Variants in VTCN1 observed in about 807,000 individuals in gnomAD.
The protein encoded by VTCN1 is V-set domain-containing T-cell activation inhibitor 1.
A neutral mutation model predicts 26.5 loss-of-function variants in VTCN1; 26 were observed. That is an observed-to-expected ratio of 0.98 (90% CI 0.72 to 1.36). The LOEUF is 1.36. VTCN1 is among the 40% of genes most tolerant of loss of function. The pLI, the probability that VTCN1 is intolerant of heterozygous loss-of-function variation, is 0.00. For synonymous variants in VTCN1, 116 were observed against 130.7 expected (o/e 0.89, Z 0.77); for missense variants, 298 against 337.7 (o/e 0.88, Z 0.92).
chr1:117,149,737 A>T (rs1301924024), intron 4 of VTCN1, among the ~76,000 whole-genome samples: 1 of 152,218 alleles, frequency 6.6e-6, no homozygotes. Flanking sequence ...CTTGGCACAC[A>T]ATAGATATTT....
chr1:117,165,123 G>A (rs1040443952), intron 2 of VTCN1, among the ~76,000 whole-genome samples: 1 of 152,244 alleles, frequency 6.6e-6, no homozygotes, highest in Non-Finnish European at 1.5e-5. Flanking sequence ...TGTGAACGTT[G>A]TCATTGGTAT....
In VTCN1 at chr1:117,144,545, TCA is replaced by T. The variant is rs1404624018; in HGVS notation, c.*724_*725del. On this transcript the variant is annotated 3_prime_UTR_variant, in exon 6 of 6. Coordinates refer to ENST00000369458, the MANE Select transcript of VTCN1 (RefSeq NM_024626.4). ...TCCCTGGACCATTCACGGATGAACA[TCA>T]TCTGAGAAATAAACCCGCATTTGTT... is the stretch of plus-strand genomic sequence containing the variant. 1.3e-5 allele frequency: 2 copies of T among 152,144 alleles called. No homozygotes were observed. The highest frequency in any genetic ancestry group is 6.5e-5 in the Admixed American group (1 of 15,270). The allele number at this position is 152,144 out of a possible 1,614,324, so 9.4% of individuals were successfully genotyped here.
chr1:117,165,747 C>T (rs141132385), intron 2 of VTCN1, among the ~76,000 whole-genome samples: 8 of 152,252 alleles, frequency 5.3e-5, no homozygotes, highest in African/African-American at 1.9e-4. Flanking sequence ...TATAAATTAC[C>T]CAGTCTCAGG....
At chr1:117,202,957 T>C (rs575178645) in intron 1 of VTCN1, among the ~76,000 whole-genome samples, 4 of 152,126 alleles carry the variant, frequency 2.6e-5, no homozygotes, top group Non-Finnish European at 5.9e-5. Flanking sequence ...AAAATCCTGA[T>C]ACACGGGTTG....
intron 1 of VTCN1, among the ~76,000 whole-genome samples, chr1:117,195,566 G>A (rs1260780848): frequency 6.6e-6 from 1 of 152,028 alleles, no homozygotes; most frequent in Non-Finnish European, 1.5e-5. Context: ...GAAGAAGATG[G>A]TAATGTTAAA....
At chr1:117,150,710 A>G (rs1315209774) in intron 4 of VTCN1, among the ~76,000 whole-genome samples, 1 of 152,202 alleles carries the variant, frequency 6.6e-6, no homozygotes, top group Non-Finnish European at 1.5e-5. Flanking sequence ...TATAAAACAA[A>G]TCATTAGAAC....
chr1:117,199,097 C>T (rs1397219234), intron 1 of VTCN1, among the ~76,000 whole-genome samples: 1 of 152,240 alleles, frequency 6.6e-6, no homozygotes, highest in East Asian at 1.9e-4. Flanking sequence ...TTTGTCTCCT[C>T]GTGGCTTCTA....
At chr1:117,206,937 C>G (rs1018019070) in intron 1 of VTCN1, among the ~76,000 whole-genome samples, 13 of 152,146 alleles carry the variant, frequency 8.5e-5, no homozygotes, top group Admixed American at 7.2e-4. Flanking sequence ...GGGATGGACT[C>G]AGAAGGTTCT....
At chr1:117,177,677 C>T (rs80098555) in intron 1 of VTCN1, among the ~76,000 whole-genome samples, 1 of 152,024 alleles carries the variant, frequency 6.6e-6, no homozygotes, top group Non-Finnish European at 1.5e-5. Context: ...TTTCTAGCTA[C>T]CCCCAAGAAT....
chr1:117,204,851 G>A (rs1648962705), intron 1 of VTCN1, among the ~76,000 whole-genome samples: 2 of 6,240 alleles, frequency 3.2e-4, no homozygotes, highest in Admixed American at 0.011. Flanking sequence ...GGGCAACAGA[G>A]CGAGACTCTG....
chr1:117,147,928 G>T lies in VTCN1; in HGVS notation c.725-146C>A. Reference sequence around the variant, plus strand: ...TTTTTACCCCTTTGCCCACCTCTCCGTAACTGGCTTAAAAGTAGAGCTTTC... The same window carrying T: ...TTTTTACCCCTTTGCCCACCTCTCCTTAACTGGCTTAAAAGTAGAGCTTTC... On this transcript the variant is annotated intron_variant, in intron 4 of 5. Coordinates refer to ENST00000369458, the MANE Select transcript of VTCN1 (RefSeq NM_024626.4). The surrounding 1 kb of genome is among the most constrained non-coding windows in gnomAD (Gnocchi z 4.6). The T allele has an allele frequency of 9.7e-7, 1 of 1,027,120 alleles. No individual in the cohort carries two copies. The highest frequency in any genetic ancestry group is 1.4e-6 in the Non-Finnish European group (1 of 715,488). 63.6% of individuals were successfully genotyped at this position (1,027,120 alleles called of 1,614,324 possible). A position where few individuals can be genotyped will look rare whatever the true frequency, so the allele number is the denominator to read the frequency against.
Position 117,153,253 on chromosome 1 carries a change from C to G in VTCN1, c.562G>C (p.Gly188Arg), listed in dbSNP as rs768482698. 1 of 1,614,100 alleles carries G rather than the reference C, an allele frequency of 6.2e-7. No homozygotes were observed. The highest frequency in any genetic ancestry group is 8.5e-7 in the Non-Finnish European group (1 of 1,180,004). ...TVVWASQVDQ[G>R]ANFSEVSNTS... is the part of the protein sequence containing the mutation. ...TTGGAGACTTCCGAGAAGTTGGCTC[C>G]CTGGTCAACTTGGGATGCCCAGACC... The change falls in exon 4 of 6, where the codon GGA becomes CGA. Residue 188 changes from glycine (G) to arginine (R), a missense_variant. Gly to Arg is a moderately radical substitution (Grantham distance 125). Coordinates refer to ENST00000369458, the MANE Select transcript of VTCN1 (RefSeq NM_024626.4).
At position 117,161,965 on chromosome 1, in the gene VTCN1, A is replaced by G. The variant is rs1384485473; in HGVS notation, c.98-5044T>C. 2.0e-5 allele frequency among the ~76,000 whole-genome samples: 3 copies of G among 152,214 alleles called. No homozygotes were observed. Among genetic ancestry groups the G allele is most frequent in the African/African-American group, 7.2e-5 (3 of 41,458 alleles). ...CATACCTTAGTTCAGCAACTGTATTACTGAATTAATTTTAATATGTTGGCC... is the reference window on the plus strand; with the variant it reads ...CATACCTTAGTTCAGCAACTGTATTGCTGAATTAATTTTAATATGTTGGCC... On this transcript the variant is annotated intron_variant, in intron 2 of 5. Coordinates refer to ENST00000369458, the MANE Select transcript of VTCN1 (RefSeq NM_024626.4). This position sits in a 1 kb window ranked among gnomAD's most constrained non-coding sequence, Gnocchi z 4.3.
At chr1:117,197,177 T>A (rs1278273038) in intron 1 of VTCN1, among the ~76,000 whole-genome samples, 1 of 152,206 alleles carries the variant, frequency 6.6e-6, no homozygotes, top group African/African-American at 2.4e-5. Flanking sequence ...AGTGAAACTG[T>A]AAGTACTTAT....
chr1:117,203,587 CACAG>C (rs1189341402), intron 1 of VTCN1: 5 of 984,862 alleles, frequency 5.1e-6, no homozygotes, highest in Non-Finnish European at 3.6e-6. Context: ...GAAAAGCGCA[CACAG>C]AGAGAAATGT....
chr1:117,198,884 G>T (rs752148083), intron 1 of VTCN1, among the ~76,000 whole-genome samples: 5 of 152,174 alleles, frequency 3.3e-5, no homozygotes, highest in African/African-American at 9.7e-5. Flanking sequence ...GTGGGGCAAG[G>T]TTAGTCAAGA....
At chr1:117,176,886 G>T (rs950727903) in intron 1 of VTCN1, among the ~76,000 whole-genome samples, 6 of 152,214 alleles carry the variant, frequency 3.9e-5, no homozygotes, top group African/African-American at 1.4e-4. Flanking sequence ...AGCACTTGAG[G>T]TCAGGAATTT....
At chr1:117,203,174 G>A (rs1648872116) in intron 1 of VTCN1, among the ~76,000 whole-genome samples, 1 of 152,096 alleles carries the variant, frequency 6.6e-6, no homozygotes, top group Admixed American at 6.6e-5. Context: ...GTGAAAAGAT[G>A]AAGGAGTACC....
At chr1:117,170,287 T>A (rs1019916203) in intron 1 of VTCN1, 116 bp from the exon 2 acceptor site, 2 of 997,576 alleles carry the variant, frequency 2.0e-6, no homozygotes, top group African/African-American at 3.2e-5. Flanking sequence ...GCATCTCAAC[T>A]TTTTCTTCCA....
Sources: allele counts gnomAD v4.1 joint callset (sites outside exome capture counted in the v4.1 genomes callset), GRCh38; gene constraint gnomAD v4.1.1; non-coding constraint Gnocchi (gnomAD v3.1); transcripts MANE v1.5; gene names NCBI Gene and HGNC (gene_info 2026-07-23, HGNC 2026-07-21).